The following MED27 variants were observed in gnomAD, a reference collection of about 807,000 sequenced individuals.
The protein encoded by MED27 is mediator complex subunit 27.
Under a neutral mutation model 38.2 loss-of-function variants are expected in MED27, and 30 were observed. That is an observed-to-expected ratio of 0.79 (90% CI 0.59 to 1.07). The LOEUF (loss-of-function observed/expected upper bound fraction) is 1.07. Ranked by LOEUF, MED27 falls within the 50% of genes least tolerant of loss-of-function variation. MED27 has a pLI of 0.00. For missense variants in MED27, 289 were observed against 397.5 expected, an observed-to-expected ratio of 0.73 and a Z score of 2.32; for synonymous variants, 122 against 153.5, an observed-to-expected ratio of 0.79 and a Z score of 1.52.
intron 3 of MED27, among the ~76,000 whole-genome samples, chr9:131,970,510 G>A (rs1193774357): frequency 6.6e-6 from 1 of 152,194 alleles, no homozygotes; most frequent in Non-Finnish European, 1.5e-5. Flanking sequence ...ACCCGAACAG[G>A]ACAGTCCACA....
At chr9:131,875,189 C>A (rs1171197921) in intron 6 of MED27, among the ~76,000 whole-genome samples, 7 of 152,168 alleles carry the variant, frequency 4.6e-5, no homozygotes, top group Non-Finnish European at 1.5e-5. Flanking sequence ...GTTCCTGGAC[C>A]CAGGATCCTG....
rs1184946911 is a variant in MED27 at position 131,917,874 on chromosome 9, AAAAAAT to A, written c.573+21501_573+21506del. On this transcript the variant is annotated intron_variant, in intron 4 of 7. Coordinates refer to ENST00000292035, the MANE Select transcript of MED27 (RefSeq NM_004269.4). The surrounding 1 kb of genome is among the most constrained non-coding windows in gnomAD (Gnocchi z 4.6). ...ACTAAAACTGAATTAGACAGCCTTA[AAAAAAT>A]AAAAATAAAAATAAAGGTAGTGGTA... Among the ~76,000 whole-genome samples the A allele has an allele frequency of 1.3e-5, 2 of 152,194 alleles. No homozygotes were observed. Among genetic ancestry groups the A allele is most frequent in the African/African-American group, 4.8e-5 (2 of 41,452 alleles).
intron 2 of MED27, among the ~76,000 whole-genome samples, chr9:132,017,297 A>G (rs1380897283): frequency 1.3e-5 from 2 of 152,188 alleles, no homozygotes; most frequent in African/African-American, 4.8e-5. Flanking sequence ...TGGTTCTAAA[A>G]CAGCAGAAGG....
Position 132,051,316 on chromosome 9 carries a change from T to C in MED27, c.348+26126A>G, listed in dbSNP as rs1333566067. Among the ~76,000 whole-genome samples, 3 of 152,246 alleles carry C rather than the reference T, an allele frequency of 2.0e-5. No homozygotes were observed. The highest frequency in any genetic ancestry group is 6.5e-5 in the Admixed American group (1 of 15,286). ...GGTAGAATTACAGCTAGCTAGTACA[T>C]GGATTTCTGAAAGGATTAACCCAAA... On this transcript the variant is annotated intron_variant, in intron 2 of 7. Coordinates refer to ENST00000292035, the MANE Select transcript of MED27 (RefSeq NM_004269.4). The surrounding 1 kb of genome is among the most constrained non-coding windows in gnomAD (Gnocchi z 4.2).
chr9:131,913,539 G>C lies in MED27; in HGVS notation c.574-19547C>G, dbSNP rs769938523. ...TCAGAATAATATTCACAGTGGCAGG[G>C]GCATACTCTTCTAGGATCAAAAGGC... On this transcript the variant is annotated intron_variant, in intron 4 of 7. Coordinates refer to ENST00000292035, the MANE Select transcript of MED27 (RefSeq NM_004269.4). The surrounding 1 kb of genome is among the most constrained non-coding windows in gnomAD (Gnocchi z 4.5). Among the ~76,000 whole-genome samples, 3 of 152,076 alleles carry C rather than the reference G, an allele frequency of 2.0e-5. No homozygotes were observed. The highest frequency in any genetic ancestry group is 2.9e-5 in the Non-Finnish European group (2 of 68,014).
intron 2 of MED27, among the ~76,000 whole-genome samples, chr9:132,026,305 T>A (rs1017880427): frequency 3.9e-5 from 6 of 152,200 alleles, no homozygotes; most frequent in Admixed American, 1.3e-4. Flanking sequence ...CAACACCTCA[T>A]GTGTCCTTTT....
At position 131,884,093 on chromosome 9, in the gene MED27, T is replaced by C. The variant is rs763620576; in HGVS notation, c.688A>G (p.Ile230Val). ...ACTTGATAGTTGGATTTGGACCATA[T>C]ATCAAGCTGAGGGGAAAGGAGAGAA... ...NVYTEDGKLDIWSKSNYQVFQ... is the reference protein window; with the variant it reads ...NVYTEDGKLDVWSKSNYQVFQ... Residue 230 changes from isoleucine to valine, a missense_variant, in exon 6 of 8, where the codon ATA (isoleucine) becomes GTA (valine). Ile to Val is a conservative substitution (Grantham distance 29). Coordinates refer to ENST00000292035, the MANE Select transcript of MED27 (RefSeq NM_004269.4). 1.2e-6 allele frequency: 2 copies of C among 1,609,254 alleles called. No individual in the cohort carries two copies. The highest frequency in any genetic ancestry group is 1.7e-6 in the Non-Finnish European group (2 of 1,178,230).
At chr9:131,900,062 C>A (rs1213078311) in intron 4 of MED27, among the ~76,000 whole-genome samples, 1 of 152,236 alleles carries the variant, frequency 6.6e-6, no homozygotes, top group Non-Finnish European at 1.5e-5. Flanking sequence ...CTATACCAAG[C>A]AGCACATTTC....
chr9:131,921,618 A>G (rs1433231760), intron 4 of MED27, among the ~76,000 whole-genome samples: 1 of 152,216 alleles, frequency 6.6e-6, no homozygotes, highest in Non-Finnish European at 1.5e-5. Context: ...ACAGTGTGGC[A>G]ATTCCTCAAG....
chr9:131,951,452 A>C (rs1392177209), intron 3 of MED27, among the ~76,000 whole-genome samples: 1 of 152,226 alleles, frequency 6.6e-6, no homozygotes, highest in Non-Finnish European at 1.5e-5. Flanking sequence ...ACAACTGATA[A>C]ATGAATCTTG....
chr9:131,879,041 T>C (rs1838989124), intron 6 of MED27, among the ~76,000 whole-genome samples: 1 of 151,602 alleles, frequency 6.6e-6, no homozygotes, highest in Non-Finnish European at 1.5e-5. Context: ...TGAGGAAGAG[T>C]GAAAAGGGCT....
chr9:131,933,112 T>C (rs1299859911), intron 4 of MED27, among the ~76,000 whole-genome samples: 2 of 152,176 alleles, frequency 1.3e-5, no homozygotes, highest in Non-Finnish European at 2.9e-5. Context: ...GGAAGGAACA[T>C]ACTTCAACAT....
chr9:132,042,906 CT>C (rs1833249422), intron 2 of MED27, among the ~76,000 whole-genome samples: 1 of 152,132 alleles, frequency 6.6e-6, no homozygotes, highest in Non-Finnish European at 1.5e-5. Flanking sequence ...TGTACATTAC[CT>C]TTGCCAACTC....
chr9:132,056,493 AT>A (rs1833580598), intron 2 of MED27, among the ~76,000 whole-genome samples: 3 of 152,224 alleles, frequency 2.0e-5, no homozygotes, highest in Admixed American at 2.0e-4. Flanking sequence ...AAAATCCCAA[AT>A]TTTTTTAGTG....
At chr9:131,993,120 C>T (rs893575603) in intron 3 of MED27, among the ~76,000 whole-genome samples, 4 of 152,134 alleles carry the variant, frequency 2.6e-5, no homozygotes, top group Admixed American at 6.5e-5. Flanking sequence ...CCCAGCTTGA[C>T]TGTAAATTCC....
At chr9:132,066,522 G>A (rs986731248) in intron 2 of MED27, among the ~76,000 whole-genome samples, 2 of 152,250 alleles carry the variant, frequency 1.3e-5, no homozygotes, top group African/African-American at 4.8e-5. Flanking sequence ...TGTGATGTGA[G>A]GGTCTTAGGG....
At chr9:132,076,948 T>G (rs1834063610) in intron 2 of MED27, among the ~76,000 whole-genome samples, 1 of 152,180 alleles carries the variant, frequency 6.6e-6, no homozygotes. Flanking sequence ...CTCCCTTAGG[T>G]GGCATCTAAG....
Position 131,975,814 on chromosome 9 carries a change from T to C in MED27, c.480-36340A>G, listed in dbSNP as rs961206558. Reference sequence around the variant, plus strand: ...TAAAACTAAGTTGAGTAAAAAAGGATGTGGGGTTTCACTGGCAGGACACCC... The same window carrying C: ...TAAAACTAAGTTGAGTAAAAAAGGACGTGGGGTTTCACTGGCAGGACACCC... On this transcript the variant is annotated intron_variant, in intron 3 of 7. Transcript: ENST00000292035. Among the ~76,000 whole-genome samples the C allele has an allele frequency of 3.9e-5, 6 of 152,276 alleles. 1 individual carries two copies. In the South Asian group the frequency reaches 1.2e-3, roughly 32 times the overall value.
intron 4 of MED27, among the ~76,000 whole-genome samples, chr9:131,898,842 C>T (rs529397634): frequency 6.6e-6 from 1 of 152,294 alleles, no homozygotes; most frequent in East Asian, 1.9e-4. Flanking sequence ...ACCTTGGCCT[C>T]CCAAAGTGCT....
Sources: allele counts gnomAD v4.1 joint callset (sites outside exome capture counted in the v4.1 genomes callset), GRCh38; gene constraint gnomAD v4.1.1; non-coding constraint Gnocchi (gnomAD v3.1); transcripts MANE v1.5; gene names NCBI Gene and HGNC (gene_info 2026-07-23, HGNC 2026-07-21).